The following GOLIM4 variants were observed in gnomAD, a reference collection of about 807,000 sequenced individuals.
GOLIM4 encodes golgi integral membrane protein 4.
Under a neutral mutation model 107.4 loss-of-function variants are expected in GOLIM4, and 71 were observed. The observed-to-expected ratio is 0.66, with a 90% CI of 0.55 to 0.81. GOLIM4 has a LOEUF of 0.81. GOLIM4 is among the 30% of genes least tolerant of loss of function. GOLIM4 has a pLI of 0.00. For missense variants in GOLIM4, 830 were observed against 826.1 expected (o/e 1.00, Z -0.06); for synonymous variants, 327 against 294.8 (o/e 1.11, Z -1.12).
intron 1 of GOLIM4, among the ~76,000 whole-genome samples, chr3:168,092,025 T>C (rs1721941365): frequency 6.6e-6 from 1 of 152,208 alleles, no homozygotes; most frequent in Non-Finnish European, 1.5e-5. Context: ...TAAAGACTTT[T>C]GAAGCCTGGG....
intron 5 of GOLIM4, among the ~76,000 whole-genome samples, 169 bp downstream of exon 5, chr3:168,043,210 C>A (rs1560085313): frequency 6.6e-6 from 1 of 151,962 alleles, no homozygotes; most frequent in Non-Finnish European, 1.5e-5. Context: ...CTAAACCAAC[C>A]CAAATAGATG....
chr3:168,012,298 GATGAA>G (rs1412649622), intron 14 of GOLIM4, among the ~76,000 whole-genome samples: 2 of 137,812 alleles, frequency 1.5e-5, no homozygotes, highest in African/African-American at 7.0e-5. Context: ...AGCGATGGAA[GATGAA>G]ATGAATGAAA....
At position 168,043,480 on chromosome 3, in the gene GOLIM4, T is replaced by C. The variant is rs763347700; in HGVS notation, c.416A>G (p.His139Arg). The change falls in exon 5 of 16, where the codon CAT becomes CGT. Residue 139 changes from histidine to arginine, a missense_variant. Coordinates refer to ENST00000470487, the MANE Select transcript of GOLIM4 (RefSeq NM_014498.5). ...ACTGAAGTCTTCCCCTTGTTTGCGATGTTCCTCTTCCAAGTCACTGTGCTG... is the reference window on the plus strand; with the variant it reads ...ACTGAAGTCTTCCCCTTGTTTGCGACGTTCCTCTTCCAAGTCACTGTGCTG... ...KKQHSDLEEE[H>R]RKQGEDFSRT... 132 of 1,613,628 alleles carry C rather than the reference T, an allele frequency of 8.2e-5. No individual in the cohort carries two copies. The highest frequency in any genetic ancestry group is 1.0e-4 in the Non-Finnish European group (123 of 1,179,782).
chr3:168,073,034 A>G (rs1018056390), intron 1 of GOLIM4, among the ~76,000 whole-genome samples: 1 of 152,162 alleles, frequency 6.6e-6, no homozygotes, highest in African/African-American at 2.4e-5. Flanking sequence ...TGTTGTTGCT[A>G]AAAAAATATG....
intron 8 of GOLIM4, among the ~76,000 whole-genome samples, chr3:168,035,056 A>ACTCAGCATC (rs1414760696): frequency 1.3e-5 from 2 of 151,588 alleles, no homozygotes. Context: ...AAAAAAAACA[A>ACTCAGCATC]CTCAGCATCA....
chr3:168,052,020 A>G (rs902500461), intron 1 of GOLIM4, among the ~76,000 whole-genome samples: 2 of 152,204 alleles, frequency 1.3e-5, no homozygotes, highest in Non-Finnish European at 2.9e-5. Flanking sequence ...AGGTGCTAAT[A>G]TAAGGGCTGA....
At position 168,035,162 on chromosome 3, in the gene GOLIM4, T is replaced by C. The variant is rs181974035; in HGVS notation, c.843+1674A>G. On this transcript the variant is annotated intron_variant, in intron 8 of 15. Coordinates refer to ENST00000470487, the MANE Select transcript of GOLIM4 (RefSeq NM_014498.5). ...TTAAAAAGTCAAAAATAACAGATTC[T>C]GGCGAGGTTGTGAAGAAAAAGGAAT... is the stretch of plus-strand genomic sequence containing the variant. Among the ~76,000 whole-genome samples the C allele has an allele frequency of 3.3e-4, 50 of 152,256 alleles. 1 individual carries two copies. The highest frequency in any genetic ancestry group is 3.2e-3 in the Admixed American group (49 of 15,294).
intron 14 of GOLIM4, among the ~76,000 whole-genome samples, chr3:168,019,684 G>A (rs1419826965): frequency 6.6e-6 from 1 of 152,096 alleles, no homozygotes; most frequent in African/African-American, 2.4e-5. Flanking sequence ...ATAAATGGAA[G>A]TTAGCATAAA....
Position 168,029,794 on chromosome 3 carries a change from G to A in GOLIM4, c.1419C>T (p.His473=). The part of the protein sequence containing the change: ...QAELEEGRPQ[H]QEQLRQQAHY... ...GGGAAGGCTACCGGAGCTGCTCCTG[G>A]TGCTGCGGCCGGCCCTCCTCAAGCT... The change falls in exon 10 of 16, where the codon CAC becomes CAT. Residue 473 remains histidine (H), a synonymous_variant. Coordinates refer to ENST00000470487, the MANE Select transcript of GOLIM4 (RefSeq NM_014498.5). The A allele has an allele frequency of 6.2e-7, 1 of 1,613,682 alleles. No homozygotes were observed. Among genetic ancestry groups the A allele is most frequent in the Non-Finnish European group, 8.5e-7 (1 of 1,179,970 alleles).
intron 1 of GOLIM4, among the ~76,000 whole-genome samples, chr3:168,049,164 T>C (rs1372423474): frequency 6.6e-6 from 1 of 152,074 alleles, no homozygotes; most frequent in Non-Finnish European, 1.5e-5. Context: ...CAGACATGTC[T>C]GGCAGACAAC....
chr3:168,041,481 T>A lies in GOLIM4; in HGVS notation c.518-7A>T. On this transcript the variant is annotated splice_polypyrimidine_tract_variant and splice_region_variant and intron_variant, in intron 5 of 15. Coordinates refer to ENST00000470487, the MANE Select transcript of GOLIM4 (RefSeq NM_014498.5). Reference sequence around the variant, plus strand: ...CTCAAATTGTATACAGTCTCTATTTTAGAAAAAGAAGGATCACACATAAAG... The same window carrying A: ...CTCAAATTGTATACAGTCTCTATTTAAGAAAAAGAAGGATCACACATAAAG... 7.1e-7 allele frequency: 1 copy of A among 1,413,346 alleles called. No homozygotes were observed. Among genetic ancestry groups the A allele is most frequent in the Non-Finnish European group, 1.0e-6 (1 of 1,002,708 alleles). The allele number at this position is 1,413,346 out of a possible 1,614,324, so 87.6% of individuals were successfully genotyped here.
chr3:168,021,985 G>GT (rs1332872315), intron 14 of GOLIM4, among the ~76,000 whole-genome samples: 3 of 152,166 alleles, frequency 2.0e-5, no homozygotes, highest in African/African-American at 7.2e-5. Flanking sequence ...TGTAAGCAAC[G>GT]TAAGGAAGGG....
In GOLIM4 at chr3:168,009,426, C is replaced by CAGACAAAAAAA. The variant is rs201375757; in HGVS notation, c.*842_*843insTTTTTTTGTCT. ...AAACAAGAATATCAATCAATGGCTT[C>CAGACAAAAAAA]AAACAAAAAAAAAAAAAAAAAATTG... On this transcript the variant is annotated 3_prime_UTR_variant, in exon 16 of 16. Coordinates refer to ENST00000470487, the MANE Select transcript of GOLIM4 (RefSeq NM_014498.5). 5.7e-4 allele frequency: 5 copies of CAGACAAAAAAA among 8,732 alleles called. No individual in the cohort carries two copies. The highest frequency in any genetic ancestry group is 7.6e-4 in the African/African-American group (5 of 6,552). 0.5% of individuals were successfully genotyped at this position (8,732 alleles called of 1,614,324 possible).
At chr3:168,034,756 T>C (rs547233103) in intron 8 of GOLIM4, among the ~76,000 whole-genome samples, 2 of 152,256 alleles carry the variant, frequency 1.3e-5, no homozygotes, top group South Asian at 2.1e-4. Flanking sequence ...GTCAAGTCTT[T>C]CCCGTGCTGC....
At chr3:168,026,031 A>G (rs1180231796) in intron 12 of GOLIM4, among the ~76,000 whole-genome samples, 1 of 152,220 alleles carries the variant, frequency 6.6e-6, no homozygotes, top group Non-Finnish European at 1.5e-5. Flanking sequence ...CAGTAAAGCC[A>G]CAGAGTAGGA....
intron 1 of GOLIM4, among the ~76,000 whole-genome samples, chr3:168,050,268 T>C (rs1169779099): frequency 6.6e-6 from 1 of 151,186 alleles, no homozygotes; most frequent in African/African-American, 2.4e-5. Flanking sequence ...TGCTAAAAAG[T>C]AATTTTTTTT....
At chr3:168,085,012 AGCAAAGT>A (rs1415327912) in intron 1 of GOLIM4, among the ~76,000 whole-genome samples, 2 of 152,156 alleles carry the variant, frequency 1.3e-5, no homozygotes, top group Non-Finnish European at 2.9e-5. Context: ...GACATTTACC[AGCAAAGT>A]GCTGAAGATG....
chr3:168,037,064 A>ATCTATGAATGC (rs369449267), intron 7 of GOLIM4, 70 bp from the exon 8 acceptor site: 382 of 1,004,500 alleles, frequency 3.8e-4, no homozygotes, highest in Admixed American at 5.6e-4. Flanking sequence ...ATTTGGGTAC[A>ATCTATGAATGC]CTGTAAAACT....
At chr3:168,042,895 T>C (rs1719095984) in intron 5 of GOLIM4, among the ~76,000 whole-genome samples, 1 of 152,228 alleles carries the variant, frequency 6.6e-6, no homozygotes, top group Non-Finnish European at 1.5e-5. Context: ...ACATAGCTAG[T>C]GAAGAAGCCA....
Sources: allele counts gnomAD v4.1 joint callset (sites outside exome capture counted in the v4.1 genomes callset), GRCh38; gene constraint gnomAD v4.1.1; transcripts MANE v1.5; gene names NCBI Gene and HGNC (gene_info 2026-07-23, HGNC 2026-07-21).